ZNF700: variants seen among roughly 807,000 people sequenced by gnomAD.
ZNF700 encodes the protein zinc finger protein 700.
A neutral mutation model predicts 65.3 loss-of-function variants in ZNF700; 38 were observed. The observed-to-expected ratio is 0.58, with a 90% CI of 0.45 to 0.76. The LOEUF (loss-of-function observed/expected upper bound fraction) is 0.76. ZNF700 is among the 30% of genes least tolerant of loss of function. The pLI is 0.00. For synonymous variants in ZNF700, 285 were observed against 290.4 expected (o/e 0.98, Z 0.19); for missense variants, 857 against 888.4 (o/e 0.96, Z 0.45).
At chr19:11,942,604 T>A (rs1421872227) in intron 1 of ZNF700, among the ~76,000 whole-genome samples, 1 of 152,176 alleles carries the variant, frequency 6.6e-6, no homozygotes, top group African/African-American at 2.4e-5. Flanking sequence ...TTTGAAGGCT[T>A]ACACAGGGAT....
chr19:11,938,574 T>C (rs1972833443), intron 1 of ZNF700, among the ~76,000 whole-genome samples: 1 of 152,228 alleles, frequency 6.6e-6, no homozygotes, highest in African/African-American at 2.4e-5. Flanking sequence ...TCATCCTTTT[T>C]TGTGGCTGCA....
chr19:11,940,842 T>G (rs1200922601), intron 1 of ZNF700, among the ~76,000 whole-genome samples: 1 of 152,050 alleles, frequency 6.6e-6, no homozygotes, highest in Non-Finnish European at 1.5e-5. Flanking sequence ...CCCCCCAGAT[T>G]AGCTAGATAC....
Position 11,950,369 on chromosome 19 carries a change from A to T in ZNF700, c.*116A>T. 1.9e-6 allele frequency: 2 copies of T among 1,064,000 alleles called. No homozygotes were observed. The highest frequency in any genetic ancestry group is 2.8e-6 in the Non-Finnish European group (2 of 706,424). The allele number at this position is 1,064,000 out of a possible 1,614,324, so 65.9% of individuals were successfully genotyped here. A position where few individuals can be genotyped will look rare whatever the true frequency, so the allele number is the denominator to read the frequency against. On this transcript the variant is annotated 3_prime_UTR_variant, in exon 4 of 4. Coordinates refer to ENST00000254321, the MANE Select transcript of ZNF700 (RefSeq NM_144566.3). ...TCTTTTCGATATCATGAAAGGACTC[A>T]CACTGGGGAGAAACCCTATCAATGT...
At position 11,941,808 on chromosome 19, in the gene ZNF700, C is replaced by T. The variant is rs559302809; in HGVS notation, c.64-5373C>T. Among the ~76,000 whole-genome samples the T allele has an allele frequency of 2.4e-3, 370 of 152,350 alleles. 5 individuals are homozygous for T. The highest frequency in any genetic ancestry group is 2.6e-3 in the Non-Finnish European group (178 of 68,022). On this transcript the variant is annotated intron_variant, in intron 1 of 3. Transcript: ENST00000254321. ...AAAGTGGGAGCCCAGGCAGGGGAGGCGCCAAGAGCGAGCGAGGGCTGTGAG... is the reference window on the plus strand; with the variant it reads ...AAAGTGGGAGCCCAGGCAGGGGAGGTGCCAAGAGCGAGCGAGGGCTGTGAG...
chr19:11,934,519 C>CTTTGTTTG (rs1008526604), intron 1 of ZNF700, among the ~76,000 whole-genome samples: 2 of 146,420 alleles, frequency 1.4e-5, no homozygotes, highest in Admixed American at 6.7e-5. Flanking sequence ...TTCTTTTTTT[C>CTTTGTTTG]TTTGTTTGTT....
chr19:11,929,887 C>T (rs1253112958), intron 1 of ZNF700, among the ~76,000 whole-genome samples: 2 of 148,324 alleles, frequency 1.3e-5, no homozygotes, highest in African/African-American at 2.6e-5. Flanking sequence ...TTTATCTTTC[C>T]TAGACACAGA....
At chr19:11,925,326 G>C in intron 1 of ZNF700, 53 bp downstream of exon 1, 1 of 1,600,940 alleles carries the variant, frequency 6.2e-7, no homozygotes, top group Non-Finnish European at 8.5e-7. Context: ...GCCTGGAACA[G>C]GCGGGAACCG....
chr19:11,942,535 C>T (rs970643124), intron 1 of ZNF700, among the ~76,000 whole-genome samples: 7 of 152,074 alleles, frequency 4.6e-5, no homozygotes, highest in South Asian at 2.1e-4. Flanking sequence ...CGGCCAGGAG[C>T]GTCAGCAGAC....
In ZNF700 at chr19:11,950,327, CTT is replaced by C. The variant is rs1298083762; in HGVS notation, c.*76_*77del. On this transcript the variant is annotated 3_prime_UTR_variant, in exon 4 of 4. Transcript: ENST00000254321. ...TATGAATGCAAGCAATGTGGCAAAACTTTCACATTTTCCAGTTCTTTTCGATA... is the reference window on the plus strand; with the variant it reads ...TATGAATGCAAGCAATGTGGCAAAACTCACATTTTCCAGTTCTTTTCGATA... 3 of 1,470,490 alleles carry C rather than the reference CTT, an allele frequency of 2.0e-6. No homozygotes were observed. In the African/African-American group the frequency reaches 4.3e-5, roughly 21 times the overall value. The allele number at this position is 1,470,490 out of a possible 1,614,324, so 91.1% of individuals were successfully genotyped here. A position where few individuals can be genotyped will look rare whatever the true frequency, so the allele number is the denominator to read the frequency against.
In ZNF700 at chr19:11,950,091, G is replaced by A. The variant is rs1265976454; in HGVS notation, c.2067G>A (p.Lys689=). 2 of 1,614,150 alleles carry A rather than the reference G, an allele frequency of 1.2e-6. No individual in the cohort carries two copies. Among genetic ancestry groups the A allele is most frequent in the South Asian group, 1.1e-5 (1 of 91,090 alleles). The change falls in exon 4 of 4, where the codon AAG becomes AAA. Residue 689 remains lysine, a synonymous_variant. Coordinates refer to ENST00000254321, the MANE Select transcript of ZNF700 (RefSeq NM_144566.3). The part of the protein sequence containing the change: ...KHCGNGFTSA[K]ILQIHARTHI... ...GTGGGAATGGATTCACATCTGCCAAGATTCTTCAAATACATGCAAGAACAC... is the reference window on the plus strand; with the variant it reads ...GTGGGAATGGATTCACATCTGCCAAAATTCTTCAAATACATGCAAGAACAC...
intron 1 of ZNF700, among the ~76,000 whole-genome samples, chr19:11,932,238 G>C (rs1761737051): frequency 6.7e-6 from 1 of 148,202 alleles, no homozygotes; most frequent in African/African-American, 2.6e-5. Context: ...CAGCTACTCA[G>C]GAGACTGAGG....
intron 1 of ZNF700, among the ~76,000 whole-genome samples, chr19:11,939,098 T>G (rs1290051160): frequency 6.6e-6 from 1 of 152,216 alleles, no homozygotes; most frequent in Non-Finnish European, 1.5e-5. Flanking sequence ...GTAAATTTGT[T>G]TAAGTTCTTT....
intron 3 of ZNF700, among the ~76,000 whole-genome samples, 194 bp downstream of exon 3, chr19:11,947,768 A>C (rs1972984617): frequency 6.6e-6 from 1 of 152,226 alleles, no homozygotes; most frequent in South Asian, 2.1e-4. Context: ...TCCTTTGAGA[A>C]GTGGAGATAG....
intron 1 of ZNF700, among the ~76,000 whole-genome samples, chr19:11,926,910 A>C (rs1972637755): frequency 6.6e-6 from 1 of 152,184 alleles, no homozygotes; most frequent in African/African-American, 2.4e-5. Flanking sequence ...ACTCTAGGGA[A>C]ATAGACTCAG....
At chr19:11,947,700 C>A in intron 3 of ZNF700, 126 bp downstream of exon 3, 1 of 1,004,174 alleles carries the variant, frequency 1.0e-6, no homozygotes, top group Non-Finnish European at 1.5e-6. Context: ...AGAATATTTT[C>A]TCAAAAAACA....
At chr19:11,935,622 C>T (rs1489586669) in intron 1 of ZNF700, among the ~76,000 whole-genome samples, 1 of 152,048 alleles carries the variant, frequency 6.6e-6, no homozygotes, top group African/African-American at 2.4e-5. Flanking sequence ...ACCAGATAGG[C>T]GTTCTGCAAT....
chr19:11,925,797 G>T (rs1166327371), intron 1 of ZNF700, among the ~76,000 whole-genome samples: 1 of 152,206 alleles, frequency 6.6e-6, no homozygotes, highest in Non-Finnish European at 1.5e-5. Context: ...AAATAAAGAA[G>T]TTTATTCAGA....
At chr19:11,935,268 G>T (rs1972777759) in intron 1 of ZNF700, among the ~76,000 whole-genome samples, 1 of 135,714 alleles carries the variant, frequency 7.4e-6, no homozygotes, top group Non-Finnish European at 1.6e-5. Flanking sequence ...ACTGTGTCTG[G>T]CTCTGTTGCC....
rs1175267980 is a variant in ZNF700, at chr19:11,950,255, C to G, written c.*2C>G. 5.0e-6 allele frequency: 8 copies of G among 1,605,106 alleles called. No individual in the cohort carries two copies. The highest frequency in any genetic ancestry group is 1.8e-5 in the Admixed American group (1 of 56,750). ...GATTGTGGGAAAGCATTCAGCTAGC[C>G]TGGTTCCTTTTATGGACATGAATAG... On this transcript the variant is annotated 3_prime_UTR_variant, in exon 4 of 4. Transcript: ENST00000254321.
Sources: allele counts gnomAD v4.1 joint callset (sites outside exome capture counted in the v4.1 genomes callset), GRCh38; gene constraint gnomAD v4.1.1; transcripts MANE v1.5; gene names NCBI Gene and HGNC (gene_info 2026-07-23, HGNC 2026-07-21).